The following PIK3R5 variants were observed in gnomAD, a reference collection of about 807,000 sequenced individuals.
PIK3R5 encodes the protein phosphoinositide-3-kinase regulatory subunit 5, also known as phosphoinositide 3-kinase regulatory subunit 5.
A neutral mutation model predicts 94.9 loss-of-function variants in PIK3R5; 32 were observed. That is an observed-to-expected ratio of 0.34 (90% confidence interval 0.25 to 0.45). The LOEUF (loss-of-function observed/expected upper bound fraction) is 0.45, where lower values mean the gene tolerates loss of function less well. Among genes scored for constraint, PIK3R5 ranks in the 20% least tolerant of loss-of-function variants. PIK3R5 has a pLI of 1.00. For missense variants in PIK3R5, 853 were observed against 1,144.6 expected, an observed-to-expected ratio of 0.75 and a Z score of 3.68; for synonymous variants, 443 against 479.4, an observed-to-expected ratio of 0.92 and a Z score of 0.99.
chr17:8,948,656 C>CA (rs1332091777), intron 1 of PIK3R5, among the ~76,000 whole-genome samples: 2 of 151,752 alleles, frequency 1.3e-5, no homozygotes, highest in East Asian at 3.9e-4. Flanking sequence ...ATGAAAAAGG[C>CA]AAAAAAAAGC....
intron 1 of PIK3R5, among the ~76,000 whole-genome samples, chr17:8,919,114 C>T (rs1489956483): frequency 6.6e-6 from 1 of 152,082 alleles, no homozygotes; most frequent in African/African-American, 2.4e-5. Context: ...AGGCTAAATG[C>T]AATGTGAGAT....
At chr17:8,921,405 C>T (rs1049829067) in intron 1 of PIK3R5, among the ~76,000 whole-genome samples, 1 of 152,266 alleles carries the variant, frequency 6.6e-6, no homozygotes, top group Admixed American at 6.5e-5. Flanking sequence ...TGTCATATGT[C>T]ATTCATTCTG....
rs561408011 is a variant in PIK3R5, at chr17:8,896,267, T to C, written c.413-2612A>G. Among the ~76,000 whole-genome samples, 44 of 152,174 alleles carry C rather than the reference T, an allele frequency of 2.9e-4. No individual in the cohort carries two copies. The highest frequency in any genetic ancestry group is 1.0e-3 in the African/African-American group (42 of 41,506). ...TGAATGCTAAGTGGGGTGTGCAATG[T>C]CAGTTTCGAGACCACCCTTAACTCC... is the stretch of plus-strand genomic sequence containing the variant. On this transcript the variant is annotated intron_variant, in intron 5 of 18. Transcript: ENST00000447110. The surrounding 1 kb of genome is among the most constrained non-coding windows in gnomAD (Gnocchi z 4.0).
intron 1 of PIK3R5, among the ~76,000 whole-genome samples, chr17:8,942,200 G>A (rs1462782576): frequency 1.3e-5 from 2 of 152,084 alleles, no homozygotes; most frequent in African/African-American, 4.8e-5. Flanking sequence ...GCAGACCCTC[G>A]AGCTGGGGCT....
chr17:8,917,274 C>T (rs1031741702), intron 1 of PIK3R5, among the ~76,000 whole-genome samples: 21 of 152,086 alleles, frequency 1.4e-4, no homozygotes, highest in African/African-American at 3.9e-4. Flanking sequence ...ATAGCTTTAA[C>T]GCTTAGAACC....
rs144361972 is a variant in PIK3R5 at position 8,947,652 on chromosome 17, T to G, written c.-14+17944A>C. ...AGAGGCGGAAATGTGAAGGAGCCAG[T>G]GTGACTTCCTGGGGCATACGTCAAG... On this transcript the variant is annotated intron_variant, in intron 1 of 18. Transcript: ENST00000447110. Among the ~76,000 whole-genome samples the G allele has an allele frequency of 5.7e-3, 861 of 152,220 alleles. 11 individuals carry two copies. Among genetic ancestry groups the G allele is most frequent in the African/African-American group, 0.019 (793 of 41,538 alleles).
intron 1 of PIK3R5, among the ~76,000 whole-genome samples, chr17:8,956,534 A>G (rs755893190): frequency 1.5e-4 from 23 of 152,202 alleles, no homozygotes; most frequent in South Asian, 1.2e-3. Context: ...CAGCAAGATG[A>G]GGAAGTAATT....
intron 4 of PIK3R5, 128 bp downstream of exon 4, chr17:8,905,541 T>C (rs2090375515): frequency 1.6e-6 from 1 of 610,566 alleles, no homozygotes; most frequent in Admixed American, 3.4e-5. Context: ...TTGAAACCCA[T>C]TTCACATGCC....
chr17:8,930,259 A>G (rs890667621), intron 1 of PIK3R5, among the ~76,000 whole-genome samples: 2 of 152,238 alleles, frequency 1.3e-5, no homozygotes, highest in African/African-American at 2.4e-5. Flanking sequence ...TATGACCACA[A>G]TGGAATCAAA....
rs781625910 is a variant in PIK3R5 at position 8,911,540 on chromosome 17, G to A, written c.-13-33C>T. On this transcript the variant is annotated intron_variant, in intron 1 of 18. Transcript: ENST00000447110. The surrounding 1 kb of genome is among the most constrained non-coding windows in gnomAD (Gnocchi z 5.3). ...GGGGACAGACGCCGGTCAGCTTGTC[G>A]AGCTCCTTTCCCAGAGAGCACCTGG... The A allele has an allele frequency of 8.1e-5, 117 of 1,441,320 alleles. No homozygotes were observed. Among genetic ancestry groups the A allele is most frequent in the Non-Finnish European group, 1.0e-4 (106 of 1,042,958 alleles). The allele number at this position is 1,441,320 out of a possible 1,614,324, so 89.3% of individuals were successfully genotyped here.
Position 8,890,681 on chromosome 17 carries a change from A to G in PIK3R5, c.657+57T>C. ...ACCGTGGCTGAGATGAAGCAGGGAG[A>G]GGGTGCTACCTCCTCAGAGAGGTGC... On this transcript the variant is annotated intron_variant, in intron 7 of 18. Coordinates refer to ENST00000447110, the MANE Select transcript of PIK3R5 (RefSeq NM_001142633.3). This position sits in a 1 kb window ranked among gnomAD's most constrained non-coding sequence, Gnocchi z 6.1. 7.0e-7 allele frequency: 1 copy of G among 1,434,358 alleles called. No individual in the cohort carries two copies. The allele number at this position is 1,434,358 out of a possible 1,614,324, so 88.9% of individuals were successfully genotyped here. A position where few individuals can be genotyped will look rare whatever the true frequency, so the allele number is the denominator to read the frequency against.
At chr17:8,913,718 A>G (rs567926652) in intron 1 of PIK3R5, among the ~76,000 whole-genome samples, 3 of 152,248 alleles carry the variant, frequency 2.0e-5, no homozygotes, top group Non-Finnish European at 4.4e-5. Context: ...TCTCAAAAAG[A>G]AAACAAAAAG....
intron 1 of PIK3R5, among the ~76,000 whole-genome samples, chr17:8,937,636 A>T (rs1299391778): frequency 1.3e-5 from 2 of 152,106 alleles, no homozygotes; most frequent in Non-Finnish European, 2.9e-5. Context: ...CAATTTGCTA[A>T]TGTTTTATTG....
At chr17:8,907,202 T>TC (rs2090415503) in intron 3 of PIK3R5, among the ~76,000 whole-genome samples, 1 of 151,768 alleles carries the variant, frequency 6.6e-6, no homozygotes, top group Non-Finnish European at 1.5e-5. Context: ...TTTTGTATTT[T>TC]TTTTTTTTTT....
chr17:8,940,538 G>GT (rs1343706013), intron 1 of PIK3R5, among the ~76,000 whole-genome samples: 3 of 151,918 alleles, frequency 2.0e-5, no homozygotes, highest in Non-Finnish European at 4.4e-5. Flanking sequence ...GCCTGCTAAG[G>GT]TTTTTTTGTT....
rs1555545703 is a variant in PIK3R5 at position 8,888,049 on chromosome 17, A to ATAAT, written c.1616+121_1616+122insATTA. The ATAAT allele has an allele frequency of 2.7e-5, 9 of 331,082 alleles. No individual in the cohort carries two copies. The highest frequency in any genetic ancestry group is 9.2e-5 in the African/African-American group (4 of 43,624). 20.5% of individuals were successfully genotyped at this position (331,082 alleles called of 1,614,324 possible). On this transcript the variant is annotated intron_variant, in intron 10 of 18. Transcript: ENST00000447110. This position sits in a 1 kb window ranked among gnomAD's most constrained non-coding sequence, Gnocchi z 7.8. The stretch of plus-strand genomic sequence containing the variant: ...AATAATAATAATAATAATAATAATA[A>ATAAT]AATAAAAATAAATAAGGGAACTTTT...
chr17:8,946,742 G>C (rs927935402), intron 1 of PIK3R5, among the ~76,000 whole-genome samples: 45 of 151,990 alleles, frequency 3.0e-4, no homozygotes, highest in African/African-American at 1.0e-3. Context: ...GCCCACTCCT[G>C]CCTCTCCTGC....
At chr17:8,885,586 C>T (rs1359927385) in intron 14 of PIK3R5, among the ~76,000 whole-genome samples, 1 of 143,412 alleles carries the variant, frequency 7.0e-6, no homozygotes. Flanking sequence ...ACAACCCCGC[C>T]TCCCCATGGC....
At chr17:8,916,201 AC>A (rs1335944014) in intron 1 of PIK3R5, 1 of 152,290 alleles carries the variant, frequency 6.6e-6, no homozygotes, top group Non-Finnish European at 1.5e-5. Flanking sequence ...CTGGGGGTTA[AC>A]CCAGCACACC....
Sources: allele counts gnomAD v4.1 joint callset (sites outside exome capture counted in the v4.1 genomes callset), GRCh38; gene constraint gnomAD v4.1.1; non-coding constraint Gnocchi (gnomAD v3.1); transcripts MANE v1.5; gene names NCBI Gene and HGNC (gene_info 2026-07-23, HGNC 2026-07-21).